The following CACNA1C variants were observed in gnomAD, a reference collection of about 807,000 sequenced individuals.
CACNA1C encodes the protein voltage-dependent L-type calcium channel subunit alpha-1C.
CACNA1C carries 30 observed loss-of-function variants against 229.0 expected under a neutral mutation model. The ratio of observed to expected loss-of-function variants is 0.13; its 90% CI spans 0.10 to 0.18. The LOEUF (loss-of-function observed/expected upper bound fraction) is 0.18. CACNA1C is among the 10% of genes least tolerant of loss of function. The pLI is 1.00. For missense variants in CACNA1C, 1,658 were observed against 2,845.0 expected (o/e 0.58, Z 9.49); for synonymous variants, 1,114 against 1,132.5 (o/e 0.98, Z 0.33).
At chr12:2,614,549 C>G (rs970889910) in intron 29 of CACNA1C, 3 of 152,218 alleles carry the variant, frequency 2.0e-5, no homozygotes, top group African/African-American at 4.8e-5. Flanking sequence ...GGAAGAATAT[C>G]CAGCTGGATC....
intron 3 of CACNA1C, among the ~76,000 whole-genome samples, chr12:2,157,194 T>C (rs991538526): frequency 1.6e-4 from 25 of 152,338 alleles, no homozygotes; most frequent in African/African-American, 5.5e-4. Flanking sequence ...AGGTGGTGCA[T>C]ATGTTAATTA....
At chr12:2,637,825 C>A (rs1014712544) in intron 30 of CACNA1C, among the ~76,000 whole-genome samples, 1 of 152,204 alleles carries the variant, frequency 6.6e-6, no homozygotes, top group Non-Finnish European at 1.5e-5. Context: ...ACATTGTTAG[C>A]CTCAGTGTGA....
intron 1 of CACNA1C, among the ~76,000 whole-genome samples, chr12:2,100,582 CAAAAAA>C (rs71441677): frequency 7.5e-5 from 5 of 66,472 alleles, no homozygotes; most frequent in Middle Eastern, 0.012. Flanking sequence ...CTGTTTCTAC[CAAAAAA>C]AAAAAAAAAA....
At position 2,486,196 on chromosome 12, in the gene CACNA1C, A is replaced by G. The variant is rs1188326200; in HGVS notation, c.850A>G (p.Ile284Val). The change falls in exon 6 of 47, where the codon ATC becomes GTC. Residue 284 changes from isoleucine to valine, a missense_variant. Ile to Val is a conservative substitution (Grantham distance 29, BLOSUM62 3). This residue lies in a region of CACNA1C where 84 missense variants were observed against 202.6 expected (regional missense o/e 0.41). Transcript: ENST00000399655. This position sits in a 1 kb window ranked among gnomAD's most constrained non-coding sequence, Gnocchi z 4.9. The part of the protein sequence containing the change: ...LVLFVIIIYA[I>V]IGLELFMGKM... ...GCTGTTTGTCATCATCATCTACGCC[A>G]TCATCGGCTTGGAGCTCTTCATGGG... The G allele has an allele frequency of 1.9e-6, 3 of 1,613,650 alleles. No individual in the cohort carries two copies. In the Admixed American group the frequency reaches 5.0e-5, roughly 27 times the overall value.
At chr12:2,042,266 A>G (rs753891892) in intron 1 of CACNA1C, among the ~76,000 whole-genome samples, 4 of 152,102 alleles carry the variant, frequency 2.6e-5, no homozygotes, top group Non-Finnish European at 4.4e-5. Flanking sequence ...TCTTTTACTG[A>G]TCACGCTACC....
intron 13 of CACNA1C, among the ~76,000 whole-genome samples, chr12:2,570,354 C>T (rs975445320): frequency 3.4e-4 from 52 of 152,220 alleles, no homozygotes; most frequent in Middle Eastern, 3.4e-3. Context: ...TTGCTCTTCT[C>T]GTCACAATTC....
At position 2,681,971 on chromosome 12, in the gene CACNA1C, T is replaced by C. The variant is rs979936076; in HGVS notation, c.5445-579T>C. On this transcript the variant is annotated intron_variant, in intron 42 of 46. Transcript: ENST00000399655. ...GCAGGGAAAGGCACGTTCCGATGTG[T>C]GAGGATCTGGAGCTCAGGAGGGATT... is the stretch of plus-strand genomic sequence containing the variant. The C allele has an allele frequency of 3.7e-6, 6 of 1,609,390 alleles. No homozygotes were observed. In the African/African-American group the frequency reaches 8.0e-5, roughly 22 times the overall value.
chr12:2,305,972 C>T (rs1190733163), intron 3 of CACNA1C, among the ~76,000 whole-genome samples: 5 of 152,174 alleles, frequency 3.3e-5, no homozygotes, highest in African/African-American at 1.2e-4. Context: ...TCATGTAATC[C>T]TCATATCGAC....
intron 1 of CACNA1C, among the ~76,000 whole-genome samples, chr12:2,079,716 C>T (rs563799000): frequency 6.6e-6 from 1 of 152,190 alleles, no homozygotes; most frequent in Non-Finnish European, 1.5e-5. Flanking sequence ...ACAAGAACCC[C>T]ACAAAACTAG....
At position 2,625,419 on chromosome 12, in the gene CACNA1C, C is replaced by T. The variant is rs530902197; in HGVS notation, c.3829-8878C>T. Reference sequence around the variant, plus strand: ...GAGGGATTCCCAGACCTACAGGGTGCGTCGGCGATAACCCGACCCACCAAA... The same window carrying T: ...GAGGGATTCCCAGACCTACAGGGTGTGTCGGCGATAACCCGACCCACCAAA... On this transcript the variant is annotated intron_variant, in intron 29 of 46. Transcript: ENST00000399655. Among the ~76,000 whole-genome samples the T allele has an allele frequency of 5.9e-5, 9 of 152,318 alleles. No individual in the cohort carries two copies. The South Asian group carries it at 1.7e-3, about 28-fold the overall frequency.
chr12:2,658,947 T>G (rs926666651), intron 34 of CACNA1C, among the ~76,000 whole-genome samples: 2 of 152,138 alleles, frequency 1.3e-5, no homozygotes, highest in African/African-American at 4.8e-5. Context: ...TATTTTAAGT[T>G]GCGTTATTAC....
intron 1 of CACNA1C, among the ~76,000 whole-genome samples, chr12:2,012,537 C>T (rs2044622464): frequency 6.6e-6 from 1 of 152,190 alleles, no homozygotes; most frequent in South Asian, 2.1e-4. Context: ...TAAACAAATC[C>T]ATACGTGAGT....
At chr12:2,066,881 G>T (rs60598648) in intron 1 of CACNA1C, among the ~76,000 whole-genome samples, 1 of 152,034 alleles carries the variant, frequency 6.6e-6, no homozygotes, top group Non-Finnish European at 1.5e-5. Flanking sequence ...GAGGGGCCTC[G>T]GGCAGGGGTG....
intron 3 of CACNA1C, among the ~76,000 whole-genome samples, chr12:2,395,975 T>G (rs2098561106): frequency 6.6e-6 from 1 of 152,162 alleles, no homozygotes; most frequent in South Asian, 2.1e-4. Flanking sequence ...TGTCAAGATC[T>G]CACAGTGAGT....
intron 1 of CACNA1C, among the ~76,000 whole-genome samples, chr12:1,997,484 G>A (rs531330379): frequency 6.6e-6 from 1 of 152,316 alleles, no homozygotes; most frequent in African/African-American, 2.4e-5. Context: ...CTGTGATCGT[G>A]CCACTGCACT....
At chr12:2,614,865 T>G (rs1198352517) in intron 29 of CACNA1C, 1 of 152,114 alleles carries the variant, frequency 6.6e-6, no homozygotes, top group Admixed American at 6.5e-5. Context: ...GTTCCCAATT[T>G]CTTCATTTCT....
intron 3 of CACNA1C, among the ~76,000 whole-genome samples, chr12:2,167,169 T>C (rs1474593762): frequency 6.6e-6 from 1 of 152,228 alleles, no homozygotes; most frequent in Non-Finnish European, 1.5e-5. Flanking sequence ...AGCAGGTAAG[T>C]AACTAGACAA....
intron 3 of CACNA1C, among the ~76,000 whole-genome samples, chr12:2,416,880 A>G (rs2098914630): frequency 6.6e-6 from 1 of 152,236 alleles, no homozygotes; most frequent in Non-Finnish European, 1.5e-5. Flanking sequence ...ACAACTAGCA[A>G]GAAGCAGAGG....
At chr12:2,018,997 A>G (rs2045910850) in intron 1 of CACNA1C, among the ~76,000 whole-genome samples, 1 of 152,102 alleles carries the variant, frequency 6.6e-6, no homozygotes, top group Non-Finnish European at 1.5e-5. Flanking sequence ...AAAATGTGTC[A>G]CTCTCCCTTA....
Sources: allele counts gnomAD v4.1 joint callset (sites outside exome capture counted in the v4.1 genomes callset), GRCh38; gene constraint gnomAD v4.1.1; regional missense constraint gnomAD v4.1.1; non-coding constraint Gnocchi (gnomAD v3.1); transcripts MANE v1.5; gene names NCBI Gene and HGNC (gene_info 2026-07-23, HGNC 2026-07-21).